The following EIF4G3 variants were observed in gnomAD, a reference collection of about 807,000 sequenced individuals.
EIF4G3 encodes eIF-4-gamma 3.
Under a neutral mutation model 186.4 loss-of-function variants are expected in EIF4G3, and 34 were observed. The ratio of observed to expected loss-of-function variants is 0.18; its 90% confidence interval spans 0.14 to 0.24. The LOEUF is 0.24. EIF4G3 is among the 10% of genes least tolerant of loss of function. EIF4G3 has a pLI of 1.00. For synonymous variants in EIF4G3, 673 were observed against 679.5 expected (o/e 0.99, Z 0.15); for missense variants, 1,536 against 1,948.5 (o/e 0.79, Z 3.99).
At chr1:20,975,199 C>T (rs2076614672) in intron 10 of EIF4G3, among the ~76,000 whole-genome samples, 1 of 151,940 alleles carries the variant, frequency 6.6e-6, no homozygotes, top group Non-Finnish European at 1.5e-5. Flanking sequence ...ATTCTCAAAG[C>T]AGAACTCAAA....
chr1:21,063,723 G>A (rs868392852), intron 3 of EIF4G3, among the ~76,000 whole-genome samples: 1 of 120,764 alleles, frequency 8.3e-6, no homozygotes, highest in African/African-American at 3.0e-5. Context: ...GGGGTGTTGG[G>A]GGGGGGGACG....
At chr1:20,943,726 G>A (rs2095807403) in intron 13 of EIF4G3, among the ~76,000 whole-genome samples, 1 of 152,180 alleles carries the variant, frequency 6.6e-6, no homozygotes, top group Non-Finnish European at 1.5e-5. Context: ...CAAATATGCA[G>A]TTTATCAGAT....
chr1:21,001,488 A>G (rs182320453), intron 5 of EIF4G3, among the ~76,000 whole-genome samples, 176 bp from the exon 6 acceptor site: 43 of 152,352 alleles, frequency 2.8e-4, no homozygotes, highest in African/African-American at 9.9e-4. Flanking sequence ...TCCATGTTTA[A>G]TTATTAGAAC....
At chr1:21,162,504 T>G (rs2102968218) in intron 2 of EIF4G3, among the ~76,000 whole-genome samples, 1 of 150,910 alleles carries the variant, frequency 6.6e-6, no homozygotes, top group South Asian at 2.1e-4. Flanking sequence ...CCCAGCACTT[T>G]GGGAGGCCGA....
intron 2 of EIF4G3, among the ~76,000 whole-genome samples, chr1:21,115,417 T>A (rs918579677): frequency 9.2e-5 from 14 of 152,162 alleles, no homozygotes; most frequent in African/African-American, 3.4e-4. Context: ...AATAGTAAGA[T>A]CAAAGATCAC....
chr1:20,813,974 CTT>C (rs2059830937), intron 34 of EIF4G3, among the ~76,000 whole-genome samples: 1 of 63,242 alleles, frequency 1.6e-5, no homozygotes, highest in African/African-American at 6.3e-5. Flanking sequence ...TTTTTTGAGA[CTT>C]TGCACTGTCA....
chr1:20,826,493 T>C (rs1226543035), intron 32 of EIF4G3, among the ~76,000 whole-genome samples: 7 of 136,416 alleles, frequency 5.1e-5, no homozygotes, highest in Non-Finnish European at 9.5e-5. Context: ...TTTTTTTTTT[T>C]TTTTTTTTTT....
intron 2 of EIF4G3, among the ~76,000 whole-genome samples, chr1:21,136,110 G>C (rs553816273): frequency 1.3e-5 from 2 of 152,066 alleles, no homozygotes; most frequent in African/African-American, 2.4e-5. Flanking sequence ...GTGAACCCGG[G>C]AAGCGGAGCT....
chr1:21,051,274 T>C (rs768551743), intron 3 of EIF4G3, among the ~76,000 whole-genome samples: 1 of 152,062 alleles, frequency 6.6e-6, no homozygotes, highest in Non-Finnish European at 1.5e-5. Context: ...AAAGAAACAA[T>C]ACTTCAAACT....
chr1:21,154,166 C>G (rs1388318610), intron 2 of EIF4G3, among the ~76,000 whole-genome samples: 2 of 152,124 alleles, frequency 1.3e-5, no homozygotes, highest in Non-Finnish European at 2.9e-5. Context: ...AATAAGATAA[C>G]GGAACATTCA....
At chr1:20,910,773 T>G (rs917097203) in intron 14 of EIF4G3, among the ~76,000 whole-genome samples, 8 of 152,124 alleles carry the variant, frequency 5.3e-5, no homozygotes, top group Non-Finnish European at 8.8e-5. Context: ...AATGGGATTT[T>G]TAGAGAGTAG....
At chr1:20,980,256 G>C in intron 10 of EIF4G3, 78 bp downstream of exon 10, 1 of 1,023,296 alleles carries the variant, frequency 9.8e-7, no homozygotes, top group Non-Finnish European at 1.4e-6. Context: ...AAACCTCATT[G>C]TATAAACCAA....
chr1:21,029,959 G>A (rs1046212577), intron 4 of EIF4G3, among the ~76,000 whole-genome samples: 3 of 152,098 alleles, frequency 2.0e-5, no homozygotes, highest in Non-Finnish European at 2.9e-5. Flanking sequence ...GGGCTCAGGG[G>A]ATCCTCCTAC....
At chr1:20,853,422 G>A (rs1557925223) in intron 27 of EIF4G3, 138 bp downstream of exon 27, 1 of 569,756 alleles carries the variant, frequency 1.8e-6, no homozygotes, top group East Asian at 3.0e-5. Context: ...ATTATAGTGT[G>A]TGAAGATTAA....
At chr1:20,986,257 C>G (rs2079443296) in intron 7 of EIF4G3, among the ~76,000 whole-genome samples, 1 of 152,126 alleles carries the variant, frequency 6.6e-6, no homozygotes, top group Non-Finnish European at 1.5e-5. Flanking sequence ...TTATTCCTGC[C>G]AGCTCCAATT....
intron 14 of EIF4G3, among the ~76,000 whole-genome samples, chr1:20,926,832 C>T (rs1179707387): frequency 1.3e-5 from 2 of 151,702 alleles, no homozygotes; most frequent in Non-Finnish European, 2.9e-5. Flanking sequence ...AGTAAATAAA[C>T]ATTTAATAAA....
chr1:21,117,736 TAAAAAAA>T (rs71014156), intron 2 of EIF4G3, among the ~76,000 whole-genome samples: 1,525 of 73,096 alleles, frequency 0.021, 37 homozygotes, highest in African/African-American at 0.056. Flanking sequence ...CAGTATATAG[TAAAAAAA>T]AAAAAAAAAA....
rs190472427 is a variant in EIF4G3 at position 21,120,575 on chromosome 1, G to A, written c.-271-31362C>T. On this transcript the variant is annotated intron_variant, in intron 2 of 36. Coordinates refer to ENST00000602326, the MANE Select transcript of EIF4G3 (RefSeq NM_001391906.1). ...CAGGAGGCAGAGGCTGCAGCGAGCC[G>A]AGATCACTACAGCCTGGACAACAGA... 4.6e-3 allele frequency among the ~76,000 whole-genome samples: 663 copies of A among 144,288 alleles called. 4 individuals are homozygous for A. The highest frequency in any genetic ancestry group is 0.016 in the African/African-American group (624 of 38,514). The allele number at this position is 144,288 out of a possible 152,430, so 94.7% of individuals were successfully genotyped here.
chr1:20,835,538 T>C (rs1323706036), intron 30 of EIF4G3, among the ~76,000 whole-genome samples: 2 of 151,860 alleles, frequency 1.3e-5, no homozygotes, highest in Non-Finnish European at 2.9e-5. Flanking sequence ...AGAGGAGATA[T>C]TACAACTGAT....
Sources: gnomAD v4.1 joint callset for allele counts (sites outside exome capture counted in the v4.1 genomes callset) on GRCh38, gnomAD v4.1.1 for gene constraint, MANE v1.5 for transcripts, NCBI Gene and HGNC (gene_info 2026-07-23, HGNC 2026-07-21) for gene names.